MYO18A: variants seen among roughly 807,000 people sequenced by gnomAD.
MYO18A encodes unconventional myosin-XVIIIa.
MYO18A carries 78 observed loss-of-function variants against 235.8 expected under a neutral mutation model. The ratio of observed to expected loss-of-function variants is 0.33; its 90% CI spans 0.28 to 0.40. The LOEUF is 0.40. Among genes scored for constraint, MYO18A ranks in the 10% least tolerant of loss-of-function variants. MYO18A has a pLI of 1.00. For missense variants in MYO18A, 2,215 were observed against 2,699.3 expected, an observed-to-expected ratio of 0.82 and a Z score of 3.98; for synonymous variants, 977 against 1,077.8, an observed-to-expected ratio of 0.91 and a Z score of 1.83.
rs748053688 is a variant in MYO18A at position 29,118,209 on chromosome 17, C to T, written c.1894-20G>A. ...CTCAGGCTGTGGAGATAGATGACCT[C>T]AAAGGGCTGTCCCTCCCAGCACACC... On this transcript the variant is annotated intron_variant, in intron 9 of 41. Transcript: ENST00000527372. This position sits in a 1 kb window ranked among gnomAD's most constrained non-coding sequence, Gnocchi z 4.2. The T allele has an allele frequency of 3.1e-6, 5 of 1,593,584 alleles. No individual in the cohort carries two copies. In the South Asian group the frequency reaches 5.7e-5, roughly 18 times the overall value.
At position 29,114,933 on chromosome 17, in the gene MYO18A, C is replaced by G; in HGVS notation, c.2485G>C (p.Val829Leu). The change falls in exon 14 of 42, where the codon GTG (valine) becomes CTG (leucine). Residue 829 changes from valine (V) to leucine (L), a missense_variant. Val to Leu is a conservative substitution (Grantham distance 32). Transcript: ENST00000527372. ...TCCTTGTATCTTTCCAACTCCTGCA[C>G]GAAGGTGCGCTCGTGGAAGAGCCTC... The part of the protein sequence containing the change: ...LQRLFHERTF[V>L]QELERYKEEN... 6.2e-7 allele frequency: 1 copy of G among 1,613,876 alleles called. No homozygotes were observed. The highest frequency in any genetic ancestry group is 8.5e-7 in the Non-Finnish European group (1 of 1,179,828).
chr17:29,174,519 A>G (rs144469508), intron 1 of MYO18A, among the ~76,000 whole-genome samples: 2 of 151,488 alleles, frequency 1.3e-5, no homozygotes, highest in Non-Finnish European at 2.9e-5. Flanking sequence ...TAAAAAAAAT[A>G]AAAAAAAATA....
At chr17:29,154,740 C>T (rs2068031323) in intron 2 of MYO18A, among the ~76,000 whole-genome samples, 1 of 152,220 alleles carries the variant, frequency 6.6e-6, no homozygotes, top group African/African-American at 2.4e-5. Context: ...CCTGAAGTGC[C>T]AGGCACACTA....
chr17:29,140,343 C>CA lies in MYO18A; in HGVS notation c.1000-18091dup. ...GGGGGGTCAGAGGGACACTCACCCG[C>CA]ATGGCCTGGCCTGGAGCAGCCCAGA... On this transcript the variant is annotated intron_variant, in intron 2 of 41. Coordinates refer to ENST00000527372, the MANE Select transcript of MYO18A (RefSeq NM_078471.4). This position sits in a 1 kb window ranked among gnomAD's most constrained non-coding sequence, Gnocchi z 4.2. The CA allele has an allele frequency of 7.9e-7, 1 of 1,273,810 alleles. No individual in the cohort carries two copies. The highest frequency in any genetic ancestry group is 1.0e-6 in the Non-Finnish European group (1 of 982,168). The allele number at this position is 1,273,810 out of a possible 1,614,324, so 78.9% of individuals were successfully genotyped here.
Position 29,114,071 on chromosome 17 carries a change from G to C in MYO18A, c.2538C>G (p.Asp846Glu). ...CAGAGTCATCCGTCGGGGGTTCCAA[G>C]TCGTCAAACGCCAGCTCGATGTTCT... is the stretch of plus-strand genomic sequence containing the variant. ...KEENIELAFDDLEPPTDDSVA... is the reference protein window; with the variant it reads ...KEENIELAFDELEPPTDDSVA... The change falls in exon 15 of 42, where the codon GAC becomes GAG. Residue 846 changes from aspartate (D) to glutamate (E), a missense_variant. Transcript: ENST00000527372. The C allele has an allele frequency of 6.2e-7, 1 of 1,601,628 alleles. No individual in the cohort carries two copies.
At chr17:29,083,604 TAG>T (rs2152728418) in intron 40 of MYO18A, among the ~76,000 whole-genome samples, 1 of 150,092 alleles carries the variant, frequency 6.7e-6, no homozygotes, top group African/African-American at 2.5e-5. Context: ...GCCCAACTCA[TAG>T]AGAGGGGAAT....
At chr17:29,154,516 C>T (rs1337717844) in intron 2 of MYO18A, among the ~76,000 whole-genome samples, 1 of 152,208 alleles carries the variant, frequency 6.6e-6, no homozygotes, top group Non-Finnish European at 1.5e-5. Flanking sequence ...GGGATGTTTG[C>T]TGGTCACCGA....
chr17:29,111,780 C>T lies in MYO18A; in HGVS notation c.2682G>A (p.Glu894=). Residue 894 remains glutamate (E), a synonymous_variant, in exon 16 of 42, where the codon GAG becomes GAA. Coordinates refer to ENST00000527372, the MANE Select transcript of MYO18A (RefSeq NM_078471.4). This position sits in a 1 kb window ranked among gnomAD's most constrained non-coding sequence, Gnocchi z 5.1. ...AGAAAAGGCGCTCCAGGAGGGTGTC[C>T]TCACTGGCCCCTGGCACCAGAGCCT... ...EEEALVPGAS[E]DTLLERLFSY... 3.1e-6 allele frequency: 5 copies of T among 1,613,842 alleles called. No individual in the cohort carries two copies. The highest frequency in any genetic ancestry group is 4.2e-6 in the Non-Finnish European group (5 of 1,179,788).
In MYO18A at chr17:29,115,725, G is replaced by T; in HGVS notation, c.2166C>A (p.Thr722=). The T allele has an allele frequency of 2.5e-6, 4 of 1,605,076 alleles. No homozygotes were observed. Among genetic ancestry groups the T allele is most frequent in the Non-Finnish European group, 2.6e-6 (3 of 1,176,126 alleles). ...GGCGGAAGGAGGTGGAGCGCTGCAG[G>T]GTGCCACCCTTGTGCTGGTGCTTGA... ...AIFKHQHKGG[T]LQRSTSFRQG... The change falls in exon 12 of 42, where the codon ACC becomes ACA. Residue 722 remains threonine, a synonymous_variant. Transcript: ENST00000527372.
intron 41 of MYO18A, chr17:29,080,739 C>T (rs928307954): frequency 4.1e-5 from 40 of 985,398 alleles, no homozygotes; most frequent in Non-Finnish European, 4.6e-5. Flanking sequence ...GGCCAGCGCG[C>T]CCCCCGGTCC....
At chr17:29,175,681 A>T (rs2082259135) in intron 1 of MYO18A, among the ~76,000 whole-genome samples, 2 of 151,802 alleles carry the variant, frequency 1.3e-5, no homozygotes, top group South Asian at 2.1e-4. Flanking sequence ...GAAATTTTTT[A>T]AATATTTATA....
chr17:29,095,174 C>T (rs1159062200), intron 28 of MYO18A, 115 bp from the exon 29 acceptor site: 7 of 1,404,224 alleles, frequency 5.0e-6, no homozygotes, highest in Non-Finnish European at 6.6e-6. Flanking sequence ...GGGACCCATG[C>T]AGCCCTAACG....
chr17:29,095,677 C>T (rs2066503124), intron 28 of MYO18A, among the ~76,000 whole-genome samples: 1 of 152,244 alleles, frequency 6.6e-6, no homozygotes, highest in Non-Finnish European at 1.5e-5. Context: ...GCCAGCCTTC[C>T]ATTTCCCACT....
rs763194345 is a variant in MYO18A, at chr17:29,165,999, G to C, written c.942C>G (p.Ser314Arg). The part of the protein sequence containing the change: ...RLKVQPIPEL[S>R]ELSRSWLRSG... ...TCCGCAGCCAGCTCCTGCTGAGCTC[G>C]CTGAGCTCTGGAATGGGCTGCACCT... The change falls in exon 2 of 42, where the codon AGC becomes AGG. Residue 314 changes from serine (S) to arginine (R), a missense_variant. Coordinates refer to ENST00000527372, the MANE Select transcript of MYO18A (RefSeq NM_078471.4). The C allele has an allele frequency of 6.2e-7, 1 of 1,613,570 alleles. No homozygotes were observed. The highest frequency in any genetic ancestry group is 8.5e-7 in the Non-Finnish European group (1 of 1,179,898).
chr17:29,159,042 C>G (rs2068117736), intron 2 of MYO18A, among the ~76,000 whole-genome samples: 1 of 152,108 alleles, frequency 6.6e-6, no homozygotes, highest in Admixed American at 6.6e-5. Flanking sequence ...ACAGAAGCAG[C>G]CATGACCATG....
rs1405457503 is a variant in MYO18A, at chr17:29,121,783, G to A, written c.1195-60C>T. The A allele has an allele frequency of 5.0e-6, 8 of 1,607,728 alleles. No homozygotes were observed. The highest frequency in any genetic ancestry group is 6.0e-6 in the Non-Finnish European group (7 of 1,175,906). Reference sequence around the variant, plus strand: ...AGCAGAGCCCATCTCCGCTGCCAGAGGATGGGCCTGCCCTGCCCAGTGCAC... The same window carrying A: ...AGCAGAGCCCATCTCCGCTGCCAGAAGATGGGCCTGCCCTGCCCAGTGCAC... On this transcript the variant is annotated intron_variant, in intron 4 of 41. Coordinates refer to ENST00000527372, the MANE Select transcript of MYO18A (RefSeq NM_078471.4). The surrounding 1 kb of genome is among the most constrained non-coding windows in gnomAD (Gnocchi z 4.2).
intron 2 of MYO18A, among the ~76,000 whole-genome samples, chr17:29,141,283 G>T (rs1598370225): frequency 1.3e-5 from 2 of 152,292 alleles, no homozygotes; most frequent in African/African-American, 2.4e-5. Flanking sequence ...AGCACCATGG[G>T]ATGCCTAGAC....
intron 21 of MYO18A, among the ~76,000 whole-genome samples, chr17:29,102,707 C>T (rs1246908128): frequency 1.3e-5 from 2 of 152,144 alleles, no homozygotes; most frequent in Non-Finnish European, 2.9e-5. Context: ...GAGATGGGAG[C>T]GATTGACAGA....
rs1462435201 is a variant in MYO18A at position 29,092,783 on chromosome 17, G to A, written c.5073+72C>T. On this transcript the variant is annotated intron_variant, in intron 33 of 41. Coordinates refer to ENST00000527372, the MANE Select transcript of MYO18A (RefSeq NM_078471.4). The stretch of plus-strand genomic sequence containing the variant: ...AAGGACTCAAGAACCACTGAGAGGA[G>A]CGAGAGAGAGAAAGAGAATGGAAAG... 6.4e-6 allele frequency: 10 copies of A among 1,567,254 alleles called. No homozygotes were observed. The Admixed American group carries it at 1.7e-4, about 27-fold the overall frequency.
Sources: gnomAD v4.1 joint callset for allele counts (sites outside exome capture counted in the v4.1 genomes callset) on GRCh38, gnomAD v4.1.1 for gene constraint, Gnocchi (gnomAD v3.1) non-coding constraint, MANE v1.5 for transcripts, NCBI Gene and HGNC (gene_info 2026-07-23, HGNC 2026-07-21) for gene names.